LINC00305: variants seen among roughly 807,000 people sequenced by gnomAD.
LINC00305 encodes long intergenic non-protein coding RNA 305.
exon 2 of LINC00305, chr18:64,098,619 G>T (rs377266171): frequency 2.3e-6 from 1 of 431,554 alleles, no homozygotes; most frequent in Non-Finnish European, 4.7e-6. Flanking sequence ...ATATCCAGGG[G>T]TGGAACCAGA....
intron 3 of LINC00305, among the ~76,000 whole-genome samples, chr18:64,095,370 C>G (rs929298345): frequency 6.6e-6 from 1 of 152,040 alleles, no homozygotes; most frequent in Admixed American, 6.6e-5. Context: ...AGGAAAGGAG[C>G]TAGTTTTGAA....
intron 1 of LINC00305, among the ~76,000 whole-genome samples, chr18:64,137,845 C>CCT (rs1281897878): frequency 6.9e-6 from 1 of 144,682 alleles, no homozygotes; most frequent in Non-Finnish European, 1.6e-5. Flanking sequence ...TATACACACA[C>CCT]ATACACACAC....
intron 3 of LINC00305, among the ~76,000 whole-genome samples, chr18:64,091,096 G>T (rs1306994811): frequency 6.6e-6 from 1 of 152,154 alleles, no homozygotes; most frequent in African/African-American, 2.4e-5. Context: ...ACTAATACAG[G>T]GAAATAAATG....
At chr18:64,146,274 T>G (rs957373140) in intron 1 of LINC00305, among the ~76,000 whole-genome samples, 1 of 152,180 alleles carries the variant, frequency 6.6e-6, no homozygotes, top group African/African-American at 2.4e-5. Context: ...CTAATTTGTT[T>G]AGAGAATGGA....
chr18:64,124,101 G>A (rs915427939), intron 1 of LINC00305, among the ~76,000 whole-genome samples: 2 of 152,072 alleles, frequency 1.3e-5, no homozygotes, highest in African/African-American at 4.8e-5. Context: ...CTCTGTTATA[G>A]CAACTCTAAG....
At chr18:64,140,980 C>T (rs565067523) in intron 1 of LINC00305, among the ~76,000 whole-genome samples, 2 of 149,018 alleles carry the variant, frequency 1.3e-5, no homozygotes, top group African/African-American at 2.5e-5. Context: ...CAGCTGTCAG[C>T]CAGCAAGGCG....
intron 1 of LINC00305, among the ~76,000 whole-genome samples, chr18:64,116,464 C>A (rs975623021): frequency 6.6e-6 from 1 of 152,116 alleles, no homozygotes; most frequent in African/African-American, 2.4e-5. Flanking sequence ...TGACATTAAC[C>A]GTTGAGTTCC....
At chr18:64,098,063 T>G (rs1197594211) in intron 2 of LINC00305, 1 of 452,874 alleles carries the variant, frequency 2.2e-6, no homozygotes, top group South Asian at 1.6e-5. Context: ...ATTAAAGATT[T>G]ATTACGTATT....
In LINC00305 at chr18:64,107,824, C is replaced by G. The variant is rs556869543; in HGVS notation, n.315-9184G>C. On this transcript the variant is annotated intron_variant and non_coding_transcript_variant, in intron 1 of 3. Transcript: ENST00000666468. ...GGATTAAAGGTCGGTGAGGCCCTAC[C>G]ACCTGAGACCTGTCCATAATATCCA... 2.0e-5 allele frequency among the ~76,000 whole-genome samples: 3 copies of G among 152,262 alleles called. No homozygotes were observed. In the East Asian group the frequency reaches 5.8e-4, roughly 29 times the overall value.
At chr18:64,124,236 T>C (rs1461803745) in intron 1 of LINC00305, among the ~76,000 whole-genome samples, 2 of 152,114 alleles carry the variant, frequency 1.3e-5, no homozygotes, top group East Asian at 3.9e-4. Flanking sequence ...CATGGCATGG[T>C]CATCCACGGA....
intron 1 of LINC00305, among the ~76,000 whole-genome samples, chr18:64,148,510 C>A (rs1173607247): frequency 6.6e-6 from 1 of 152,002 alleles, no homozygotes; most frequent in Non-Finnish European, 1.5e-5. Context: ...TCTAATGAGG[C>A]CTCCAAAGTG....
intron 1 of LINC00305, among the ~76,000 whole-genome samples, chr18:64,112,239 T>C (rs1184832919): frequency 6.6e-6 from 1 of 150,952 alleles, no homozygotes; most frequent in Non-Finnish European, 1.5e-5. Flanking sequence ...GGATTGAAAA[T>C]GGAAGACTGG....
chr18:64,120,319 A>C (rs1419633527), intron 1 of LINC00305, among the ~76,000 whole-genome samples: 1 of 152,056 alleles, frequency 6.6e-6, no homozygotes, highest in African/African-American at 2.4e-5. Context: ...TCTCAATAAT[A>C]GTTAAGTTTA....
chr18:64,106,046 A>T (rs895652153), intron 1 of LINC00305, among the ~76,000 whole-genome samples: 1 of 152,234 alleles, frequency 6.6e-6, no homozygotes, highest in South Asian at 2.1e-4. Flanking sequence ...AAGGAAGGGA[A>T]TACTAGCAAT....
chr18:64,089,021 T>C (rs983921452), intron 3 of LINC00305, among the ~76,000 whole-genome samples: 3 of 152,104 alleles, frequency 2.0e-5, no homozygotes, highest in African/African-American at 7.2e-5. Flanking sequence ...CACAGAAGGA[T>C]AGACTGTCAG....
chr18:64,133,296 A>G (rs1007242329), intron 1 of LINC00305, among the ~76,000 whole-genome samples: 2 of 152,226 alleles, frequency 1.3e-5, no homozygotes, highest in African/African-American at 4.8e-5. Context: ...AATTGACTCT[A>G]AGTGAATTAC....
At chr18:64,100,328 T>G (rs1475173314) in intron 1 of LINC00305, among the ~76,000 whole-genome samples, 3 of 152,176 alleles carry the variant, frequency 2.0e-5, no homozygotes, top group African/African-American at 7.2e-5. Flanking sequence ...AAAAGTCAAT[T>G]GGAGCTCTCC....
intron 3 of LINC00305, among the ~76,000 whole-genome samples, chr18:64,081,821 T>C: frequency 6.6e-6 from 1 of 152,162 alleles, no homozygotes. Flanking sequence ...TTGTACACAG[T>C]GGAGAAAGCT....
At chr18:64,088,903 C>G (rs1599205240) in intron 3 of LINC00305, among the ~76,000 whole-genome samples, 2 of 151,872 alleles carry the variant, frequency 1.3e-5, no homozygotes, top group African/African-American at 4.8e-5. Context: ...GGAAGGTGAC[C>G]AAAAGTCAGC....
Sources: allele counts gnomAD v4.1 joint callset (sites outside exome capture counted in the v4.1 genomes callset), GRCh38; gene constraint gnomAD v4.1.1; transcripts MANE v1.5; gene names NCBI Gene and HGNC (gene_info 2026-07-23, HGNC 2026-07-21).